DLGAP2: variants seen among roughly 807,000 people sequenced by gnomAD.
DLGAP2 encodes the protein disks large-associated protein 2.
DLGAP2 carries 26 observed loss-of-function variants against 100.3 expected under a neutral mutation model. The ratio of observed to expected loss-of-function variants is 0.26; its 90% CI spans 0.19 to 0.36. DLGAP2 has a LOEUF of 0.36. Ranked by LOEUF, DLGAP2 falls within the 10% of genes least tolerant of loss-of-function variation. DLGAP2 has a pLI of 1.00. For synonymous variants in DLGAP2, 886 were observed against 630.1 expected, an observed-to-expected ratio of 1.41 and a Z score of -6.08; for missense variants, 1,858 against 1,453.2, an observed-to-expected ratio of 1.28 and a Z score of -4.53.
intron 3 of DLGAP2, among the ~76,000 whole-genome samples, chr8:1,331,787 C>T (rs916826169): frequency 3.9e-5 from 6 of 152,168 alleles, no homozygotes; most frequent in African/African-American, 1.2e-4. Flanking sequence ...CTCTGAGATA[C>T]GTGTAAATCC....
intron 2 of DLGAP2, among the ~76,000 whole-genome samples, chr8:1,141,375 C>T (rs1314499429): frequency 6.6e-6 from 1 of 152,110 alleles, no homozygotes; most frequent in East Asian, 1.9e-4. Context: ...TTATTTTATG[C>T]TTGATAAAGC....
At chr8:1,507,110 C>T (rs1017245712) in intron 4 of DLGAP2, among the ~76,000 whole-genome samples, 20 of 152,352 alleles carry the variant, frequency 1.3e-4, no homozygotes, top group East Asian at 5.8e-4. Context: ...CTTCACCTAG[C>T]GGATCCTGCG....
At chr8:844,943 T>C (rs1440902068) in intron 1 of DLGAP2, among the ~76,000 whole-genome samples, 1 of 152,266 alleles carries the variant, frequency 6.6e-6, no homozygotes, top group Non-Finnish European at 1.5e-5. Flanking sequence ...TATGGACTTC[T>C]GTGACTGACT....
At chr8:1,082,633 C>T (rs889854407) in intron 2 of DLGAP2, among the ~76,000 whole-genome samples, 7 of 152,228 alleles carry the variant, frequency 4.6e-5, no homozygotes, top group Admixed American at 2.0e-4. Context: ...CCATCCAGGG[C>T]TCCTCCTGGA....
intron 3 of DLGAP2, among the ~76,000 whole-genome samples, chr8:1,462,683 G>T (rs545769986): frequency 1.3e-5 from 2 of 152,302 alleles, no homozygotes; most frequent in African/African-American, 4.8e-5. Context: ...CAGGCTGCCA[G>T]CGTGGGTGGC....
At chr8:1,552,968 T>C (rs905257477) in intron 5 of DLGAP2, among the ~76,000 whole-genome samples, 9 of 152,224 alleles carry the variant, frequency 5.9e-5, no homozygotes, top group African/African-American at 2.2e-4. Flanking sequence ...AAACTTTTCA[T>C]GAGCATTGTA....
chr8:1,153,128 C>A (rs987027451), intron 2 of DLGAP2, among the ~76,000 whole-genome samples: 2 of 152,178 alleles, frequency 1.3e-5, no homozygotes, highest in African/African-American at 4.8e-5. Context: ...TGACTTAGTG[C>A]ATTTCCACTT....
chr8:1,550,134 G>A (rs904291925), intron 5 of DLGAP2, among the ~76,000 whole-genome samples: 8 of 152,308 alleles, frequency 5.3e-5, no homozygotes, highest in Admixed American at 3.9e-4. Flanking sequence ...ATCTGTGTGC[G>A]CCGGGCTCAT....
chr8:1,653,649 G>A (rs920086167), intron 8 of DLGAP2, among the ~76,000 whole-genome samples: 1 of 151,698 alleles, frequency 6.6e-6, no homozygotes, highest in South Asian at 2.1e-4. Flanking sequence ...TAAATTGCAG[G>A]GGTGGATTCC....
At chr8:1,206,400 G>A (rs879745975) in intron 2 of DLGAP2, among the ~76,000 whole-genome samples, 1 of 126,544 alleles carries the variant, frequency 7.9e-6, no homozygotes, top group Non-Finnish European at 1.7e-5. Context: ...CCAGCCATCC[G>A]TGGACTGGGG....
At chr8:1,114,582 C>T (rs774862790) in intron 2 of DLGAP2, among the ~76,000 whole-genome samples, 2 of 151,662 alleles carry the variant, frequency 1.3e-5, no homozygotes, top group Non-Finnish European at 2.9e-5. Flanking sequence ...ATTTGGGCCT[C>T]CTCTCTTTTC....
chr8:826,627 T>TAC (rs1216548016), intron 1 of DLGAP2, among the ~76,000 whole-genome samples: 1 of 151,950 alleles, frequency 6.6e-6, no homozygotes, highest in Non-Finnish European at 1.5e-5. Flanking sequence ...AGCCCTGCCT[T>TAC]CTGCCTGTGG....
chr8:1,292,161 T>C (rs1487231283), intron 3 of DLGAP2, among the ~76,000 whole-genome samples: 1 of 152,216 alleles, frequency 6.6e-6, no homozygotes, highest in South Asian at 2.1e-4. Flanking sequence ...ATCGCTGGCT[T>C]TGGGGGGAAG....
intron 2 of DLGAP2, among the ~76,000 whole-genome samples, chr8:946,493 G>A (rs910123457): frequency 2.0e-5 from 3 of 152,124 alleles, no homozygotes; most frequent in South Asian, 4.1e-4. Context: ...TCGATCTCCT[G>A]ACCTTGTGAT....
At chr8:1,532,167 G>A (rs144157708) in intron 4 of DLGAP2, among the ~76,000 whole-genome samples, 1 of 152,278 alleles carries the variant, frequency 6.6e-6, no homozygotes, top group African/African-American at 2.4e-5. Flanking sequence ...GGTTTGCCCT[G>A]AGCAGTTCCC....
intron 2 of DLGAP2, among the ~76,000 whole-genome samples, chr8:961,811 A>G (rs1054950762): frequency 1.3e-5 from 2 of 152,228 alleles, no homozygotes; most frequent in Non-Finnish European, 2.9e-5. Flanking sequence ...TCTCTGGTAG[A>G]AATAAGGGCA....
chr8:1,120,631 C>G (rs568389541), intron 2 of DLGAP2, among the ~76,000 whole-genome samples: 1 of 151,390 alleles, frequency 6.6e-6, no homozygotes. Context: ...CACCCATCCT[C>G]ATTCCTTCAG....
In DLGAP2 at chr8:1,553,409, A is replaced by G. The variant is rs79777461; in HGVS notation, c.1230+3726A>G. On this transcript the variant is annotated intron_variant, in intron 5 of 14. Transcript: ENST00000637795. ...CGGCATGTTCACGGGCAGCAGCCCC[A>G]TTTTGTTTGGCGTGTTCACGGGCAG... Among the ~76,000 whole-genome samples the G allele has an allele frequency of 2.5e-3, 94 of 38,068 alleles. No homozygotes were observed. The East Asian group carries it at 0.042, about 17-fold the overall frequency. 25.0% of individuals were successfully genotyped at this position (38,068 alleles called of 152,430 possible).
chr8:819,296 G>A (rs1309588997), intron 1 of DLGAP2, among the ~76,000 whole-genome samples: 3 of 152,144 alleles, frequency 2.0e-5, no homozygotes, highest in South Asian at 2.1e-4. Context: ...AATAGATATC[G>A]TAGGACCTTT....
Sources: gnomAD v4.1 joint callset for allele counts (sites outside exome capture counted in the v4.1 genomes callset) on GRCh38, gnomAD v4.1.1 for gene constraint, MANE v1.5 for transcripts, NCBI Gene and HGNC (gene_info 2026-07-23, HGNC 2026-07-21) for gene names.